Variants in AMBRA1 observed in about 807,000 individuals in gnomAD.
AMBRA1 encodes the protein activating molecule in BECN1-regulated autophagy protein 1.
Under a neutral mutation model 125.4 loss-of-function variants are expected in AMBRA1, and 47 were observed. That is an observed-to-expected ratio of 0.37 (90% CI 0.30 to 0.48). AMBRA1 has a LOEUF of 0.48. Ranked by LOEUF, AMBRA1 falls within the 20% of genes least tolerant of loss-of-function variation. The probability of loss-of-function intolerance (pLI) is 0.99; values close to 1 mark genes in which losing one functional copy is unlikely to be tolerated. For missense variants in AMBRA1, 1,331 were observed against 1,693.4 expected, an observed-to-expected ratio of 0.79 and a Z score of 3.76; for synonymous variants, 626 against 655.5, an observed-to-expected ratio of 0.95 and a Z score of 0.69.
chr11:46,569,452 T>TAC (rs2043677241), intron 1 of AMBRA1, among the ~76,000 whole-genome samples: 1 of 145,414 alleles, frequency 6.9e-6, no homozygotes, highest in Non-Finnish European at 1.5e-5. Context: ...TATATATATA[T>TAC]ATATATATAT....
chr11:46,552,639 A>G (rs950495857), intron 1 of AMBRA1, among the ~76,000 whole-genome samples: 1 of 150,024 alleles, frequency 6.7e-6, no homozygotes, highest in African/African-American at 2.4e-5. Context: ...GAGCCGTGCC[A>G]TTGCACTCCA....
intron 1 of AMBRA1, among the ~76,000 whole-genome samples, chr11:46,549,879 C>T (rs1046133171): frequency 1.3e-5 from 2 of 152,108 alleles, no homozygotes; most frequent in African/African-American, 2.4e-5. Flanking sequence ...AGTGCAACAG[C>T]GCAATCTCGG....
chr11:46,447,363 T>C (rs1452827350), intron 11 of AMBRA1, among the ~76,000 whole-genome samples: 1 of 152,052 alleles, frequency 6.6e-6, no homozygotes, highest in Non-Finnish European at 1.5e-5. Context: ...GGTGAAACCC[T>C]ACCTCTACTA....
intron 13 of AMBRA1, among the ~76,000 whole-genome samples, chr11:46,434,346 T>G (rs1311114057): frequency 6.6e-6 from 1 of 151,700 alleles, no homozygotes; most frequent in Admixed American, 6.6e-5. Context: ...AAAAAACACT[T>G]AAATTCAACT....
At chr11:46,492,552 A>G (rs1950499763) in intron 11 of AMBRA1, among the ~76,000 whole-genome samples, 1 of 152,188 alleles carries the variant, frequency 6.6e-6, no homozygotes, top group South Asian at 2.1e-4. Flanking sequence ...TGCATTCATA[A>G]ATTTATAAGT....
At chr11:46,545,319 G>A (rs141046683) in intron 5 of AMBRA1, among the ~76,000 whole-genome samples, 6,257 of 151,804 alleles carry the variant, frequency 0.041, 450 homozygotes, top group African/African-American at 0.14. Context: ...AAAATGAGCC[G>A]GGCATGGTGG....
intron 7 of AMBRA1, among the ~76,000 whole-genome samples, chr11:46,518,852 CTAT>C (rs1326438451): frequency 7.2e-5 from 11 of 152,128 alleles, no homozygotes; most frequent in African/African-American, 2.4e-4. Context: ...AAGAATACAA[CTAT>C]TTTTTCTTTC....
At chr11:46,448,496 C>G (rs1948419868) in intron 11 of AMBRA1, among the ~76,000 whole-genome samples, 1 of 152,080 alleles carries the variant, frequency 6.6e-6, no homozygotes, top group Admixed American at 6.5e-5. Context: ...GCATTGAATG[C>G]ATGTATAAGA....
chr11:46,487,905 T>C (rs1950317442), intron 11 of AMBRA1, among the ~76,000 whole-genome samples: 1 of 152,082 alleles, frequency 6.6e-6, no homozygotes, highest in Admixed American at 6.5e-5. Flanking sequence ...ATCATATGCT[T>C]TCTACCAGAT....
rs575729029 is a variant in AMBRA1, at chr11:46,492,800, G to A, written c.2521+808C>T. 6.6e-5 allele frequency among the ~76,000 whole-genome samples: 10 copies of A among 152,252 alleles called. No individual in the cohort carries two copies. The South Asian group carries it at 8.3e-4, about 13-fold the overall frequency. ...CACAGTGGCTCACGCCTGTAATCCC[G>A]GCACTTCGGGAGGCTGAGGCAGGCA... On this transcript the variant is annotated intron_variant, in intron 11 of 17. Transcript: ENST00000683756.
chr11:46,522,194 ACTGT>A (rs1951791268), intron 7 of AMBRA1, among the ~76,000 whole-genome samples: 1 of 152,220 alleles, frequency 6.6e-6, no homozygotes, highest in African/African-American at 2.4e-5. Flanking sequence ...CCCTCTGCTA[ACTGT>A]CTGGTGGGTA....
chr11:46,512,958 G>A (rs1394351584), intron 7 of AMBRA1, 145 bp from the exon 8 acceptor site: 11 of 633,552 alleles, frequency 1.7e-5, no homozygotes, highest in Non-Finnish European at 2.8e-5. Context: ...CCTTCTACAA[G>A]CTAAGTAGGT....
At chr11:46,402,734 C>A (rs2136590681) in intron 17 of AMBRA1, among the ~76,000 whole-genome samples, 1 of 152,320 alleles carries the variant, frequency 6.6e-6, no homozygotes, top group Middle Eastern at 3.4e-3. Flanking sequence ...CAATGTAATT[C>A]CCTCCACAGT....
intron 15 of AMBRA1, 50 bp downstream of exon 15, chr11:46,417,863 C>T: frequency 2.6e-6 from 4 of 1,546,142 alleles, no homozygotes; most frequent in Non-Finnish European, 3.5e-6. Context: ...CTGATTACCC[C>T]AGTCCTCGGC....
intron 15 of AMBRA1, among the ~76,000 whole-genome samples, chr11:46,412,643 A>C (rs1946349290): frequency 6.6e-6 from 1 of 151,916 alleles, no homozygotes; most frequent in South Asian, 2.1e-4. Context: ...TTTTTGATTT[A>C]TGGTTTGTTG....
intron 9 of AMBRA1, among the ~76,000 whole-genome samples, chr11:46,500,176 T>C (rs576810599): frequency 2.7e-4 from 41 of 152,290 alleles, no homozygotes; most frequent in African/African-American, 9.6e-4. Flanking sequence ...CCAGCAGGCA[T>C]TGACAAGTGA....
intron 1 of AMBRA1, among the ~76,000 whole-genome samples, chr11:46,586,371 C>T (rs1012111319): frequency 2.6e-5 from 4 of 151,926 alleles, no homozygotes; most frequent in Admixed American, 6.6e-5. Flanking sequence ...ATTGTGCCAC[C>T]GCACCAGAGC....
intron 8 of AMBRA1, among the ~76,000 whole-genome samples, chr11:46,509,323 C>T (rs553501131): frequency 1.3e-5 from 2 of 152,228 alleles, no homozygotes; most frequent in East Asian, 3.9e-4. Flanking sequence ...TAATTTGACG[C>T]TATGGACTGA....
At chr11:46,453,236 G>A (rs186810532) in intron 11 of AMBRA1, among the ~76,000 whole-genome samples, 10 of 151,748 alleles carry the variant, frequency 6.6e-5, no homozygotes, top group Admixed American at 4.6e-4. Flanking sequence ...GTTTATCCAC[G>A]CTTATTGCAT....
Sources: allele counts gnomAD v4.1 joint callset (sites outside exome capture counted in the v4.1 genomes callset), GRCh38; gene constraint gnomAD v4.1.1; transcripts MANE v1.5; gene names NCBI Gene and HGNC (gene_info 2026-07-23, HGNC 2026-07-21).